Variants in CTRC observed in about 807,000 individuals in gnomAD.
CTRC encodes chymotrypsin C.
A neutral mutation model predicts 35.7 loss-of-function variants in CTRC; 32 were observed. The observed-to-expected ratio is 0.90, with a 90% CI of 0.68 to 1.20. CTRC has a LOEUF of 1.20. CTRC is among the 50% of genes most tolerant of loss of function. The pLI, the probability that CTRC is intolerant of heterozygous loss-of-function variation, is 0.00. For missense variants in CTRC, 324 were observed against 361.5 expected (o/e 0.90, Z 0.84); for synonymous variants, 119 against 149.5 (o/e 0.80, Z 1.49).
intron 4 of CTRC, among the ~76,000 whole-genome samples, chr1:15,443,184 C>T (rs1708161812): frequency 6.6e-6 from 1 of 152,224 alleles, no homozygotes; most frequent in Non-Finnish European, 1.5e-5. Flanking sequence ...TAACCCTTTC[C>T]CGAGGTGATG....
At chr1:15,439,717 C>A (rs1708095891) in intron 1 of CTRC, among the ~76,000 whole-genome samples, 1 of 152,184 alleles carries the variant, frequency 6.6e-6, no homozygotes, top group Non-Finnish European at 1.5e-5. Context: ...CGGGCACTCG[C>A]ACACATGCCA....
chr1:15,446,704 C>A lies in CTRC; in HGVS notation c.*115C>A, dbSNP rs1200025610. 8.1e-7 allele frequency: 1 copy of A among 1,229,116 alleles called. No individual in the cohort carries two copies. The highest frequency in any genetic ancestry group is 1.2e-6 in the Non-Finnish European group (1 of 832,848). The allele number at this position is 1,229,116 out of a possible 1,614,324, so 76.1% of individuals were successfully genotyped here. Reference sequence around the variant, plus strand: ...TCTGTTGCTTCCCTCCTCTCTGGTGCTGCCCCTTTCCACACTATGGAGCCA... The same window carrying A: ...TCTGTTGCTTCCCTCCTCTCTGGTGATGCCCCTTTCCACACTATGGAGCCA... On this transcript the variant is annotated 3_prime_UTR_variant, in exon 8 of 8. Transcript: ENST00000375949.
chr1:15,447,150 C>A lies in CTRC; in HGVS notation c.*561C>A. 4.5e-6 allele frequency: 1 copy of A among 221,396 alleles called. No homozygotes were observed. The allele number at this position is 221,396 out of a possible 1,614,324, so 13.7% of individuals were successfully genotyped here. A position where few individuals can be genotyped will look rare whatever the true frequency, so the allele number is the denominator to read the frequency against. On this transcript the variant is annotated 3_prime_UTR_variant, in exon 8 of 8. Transcript: ENST00000375949. Reference sequence around the variant, plus strand: ...GGAAGGGGCTCCCTAGCAGGGACCCCCCACCCCCACCCCGCAGCACAGACC... The same window carrying A: ...GGAAGGGGCTCCCTAGCAGGGACCCACCACCCCCACCCCGCAGCACAGACC...
intron 1 of CTRC, 74 bp from the exon 2 acceptor site, chr1:15,440,226 G>GGGCC: frequency 1.9e-6 from 1 of 523,580 alleles, no homozygotes; most frequent in Non-Finnish European, 3.7e-6. Context: ...TCTTCCACCT[G>GGGCC]CCCACCCTCC....
At chr1:15,438,709 G>A (rs907710946) in intron 1 of CTRC, among the ~76,000 whole-genome samples, 1 of 152,180 alleles carries the variant, frequency 6.6e-6, no homozygotes, top group Admixed American at 6.5e-5. Context: ...GCAAAACAGG[G>A]AAGATGATCT....
intron 3 of CTRC, among the ~76,000 whole-genome samples, chr1:15,441,334 C>T (rs1281511833): frequency 6.6e-6 from 1 of 151,912 alleles, no homozygotes; most frequent in African/African-American, 2.4e-5. Context: ...TGGGCAAAGG[C>T]CTGAAGGAAG....
intron 1 of CTRC, 70 bp from the exon 2 acceptor site, chr1:15,440,230 A>G: frequency 3.5e-6 from 1 of 282,776 alleles, no homozygotes; most frequent in Non-Finnish European, 7.4e-6. Context: ...CCACCTGCCC[A>G]CCCTCCCACC....
intron 6 of CTRC, among the ~76,000 whole-genome samples, chr1:15,445,146 G>A (rs1570786122): frequency 6.6e-6 from 1 of 152,138 alleles, no homozygotes; most frequent in Non-Finnish European, 1.5e-5. Context: ...CACCAGTCCA[G>A]GGAGACCAGA....
intron 3 of CTRC, among the ~76,000 whole-genome samples, chr1:15,440,923 T>C (rs1396144424): frequency 6.6e-6 from 1 of 152,218 alleles, no homozygotes; most frequent in African/African-American, 2.4e-5. Context: ...CTCACGCCTG[T>C]AATCATAGCA....
intron 6 of CTRC, 134 bp downstream of exon 6, chr1:15,444,885 G>A: frequency 1.8e-6 from 2 of 1,127,536 alleles, no homozygotes; most frequent in Non-Finnish European, 2.6e-6. Flanking sequence ...GCAGGCTCAG[G>A]GTAAGCCCAT....
rs748299851 is a variant in CTRC, at chr1:15,443,470, C to T, written c.408C>T (p.Thr136=). The part of the protein sequence containing the change: ...KLAEHVELSD[T]IQVACLPEKD... ...CAGAGCATGTGGAGCTGAGTGACAC[C>T]ATCCAGGTGGCCTGCCTGCCAGAGA... The change falls in exon 5 of 8, where the codon ACC becomes ACT. Residue 136 remains threonine (T), a synonymous_variant. Coordinates refer to ENST00000375949, the MANE Select transcript of CTRC (RefSeq NM_007272.3). 6.2e-7 allele frequency: 1 copy of T among 1,614,226 alleles called. No individual in the cohort carries two copies. The highest frequency in any genetic ancestry group is 1.7e-5 in the Admixed American group (1 of 60,034).
rs1413424234 is a variant in CTRC at position 15,447,693 on chromosome 1, C to G, written c.*1104C>G. ...GGGTGCCCCCAGCCCAGCCTCTGGACCCCTCGCTGGAGAGCCCTCGGCTGC... is the reference window on the plus strand; with the variant it reads ...GGGTGCCCCCAGCCCAGCCTCTGGAGCCCTCGCTGGAGAGCCCTCGGCTGC... On this transcript the variant is annotated 3_prime_UTR_variant, in exon 8 of 8. Transcript: ENST00000375949. The G allele has an allele frequency of 1.3e-5, 2 of 152,748 alleles. No individual in the cohort carries two copies. The highest frequency in any genetic ancestry group is 4.8e-5 in the African/African-American group (2 of 41,450). 9.5% of individuals were successfully genotyped at this position (152,748 alleles called of 1,614,324 possible).
rs1303051099 is a variant in CTRC at position 15,445,645 on chromosome 1, G to A, written c.688G>A (p.Glu230Lys). The change falls in exon 7 of 8, where the codon GAG becomes AAG. Residue 230 changes from glutamate to lysine, a missense_variant. Physicochemically the swap from Glu to Lys is moderately conservative, Grantham distance 56. Coordinates refer to ENST00000375949, the MANE Select transcript of CTRC (RefSeq NM_007272.3). ...LNCQLENGSW[E>K]VFGIVSFGSR... ...CTGCCAGTTGGAGAACGGTTCCTGG[G>A]AGGTGTTTGGCATCGTCAGCTTTGG... The A allele has an allele frequency of 1.2e-6, 2 of 1,614,086 alleles. No individual in the cohort carries two copies. The highest frequency in any genetic ancestry group is 1.3e-5 in the African/African-American group (1 of 74,926).
chr1:15,439,156 T>G (rs1320004019), intron 1 of CTRC, among the ~76,000 whole-genome samples: 1 of 152,138 alleles, frequency 6.6e-6, no homozygotes, highest in African/African-American at 2.4e-5. Flanking sequence ...CCAGGCATGG[T>G]GGCTCACGCC....
rs1179856513 is a variant in CTRC at position 15,449,139 on chromosome 1, G to C, written c.*2550G>C. 2.6e-5 allele frequency: 4 copies of C among 152,130 alleles called. No homozygotes were observed. Among genetic ancestry groups the C allele is most frequent in the Non-Finnish European group, 5.9e-5 (4 of 68,044 alleles). The allele number at this position is 152,130 out of a possible 1,614,324, so 9.4% of individuals were successfully genotyped here. A position where few individuals can be genotyped will look rare whatever the true frequency, so the allele number is the denominator to read the frequency against. ...TAGTGGAGCCGGAATCCAGACTTTAGTGATCTGACTCCAGGGCCTGTGCTC... is the reference window on the plus strand; with the variant it reads ...TAGTGGAGCCGGAATCCAGACTTTACTGATCTGACTCCAGGGCCTGTGCTC... On this transcript the variant is annotated 3_prime_UTR_variant, in exon 8 of 8. Transcript: ENST00000375949.
rs764896878 is a variant in CTRC at position 15,442,610 on chromosome 1, C to T, written c.356+38C>T. 1.9e-6 allele frequency: 3 copies of T among 1,612,680 alleles called. No individual in the cohort carries two copies. The Admixed American group carries it at 5.0e-5, about 27-fold the overall frequency. Reference sequence around the variant, plus strand: ...CTGCCCATCCCACAGCCACTGGGGGCAGTGTGGAAGGAGGGGTCCCCAAGA... The same window carrying T: ...CTGCCCATCCCACAGCCACTGGGGGTAGTGTGGAAGGAGGGGTCCCCAAGA... On this transcript the variant is annotated intron_variant, in intron 4 of 7. Transcript: ENST00000375949.
At chr1:15,441,995 G>C (rs1262280288) in intron 3 of CTRC, among the ~76,000 whole-genome samples, 1 of 152,118 alleles carries the variant, frequency 6.6e-6, no homozygotes, top group Non-Finnish European at 1.5e-5. Flanking sequence ...CCCCGTCTCG[G>C]CTTCCCAACG....
rs146235499 is a variant in CTRC at position 15,444,710 on chromosome 1, A to G, written c.598A>G (p.Met200Val). 13 of 1,614,012 alleles carry G rather than the reference A, an allele frequency of 8.1e-6. No individual in the cohort carries two copies. Among genetic ancestry groups the G allele is most frequent in the African/African-American group, 5.3e-5 (4 of 74,904 alleles). Residue 200 changes from methionine to valine, a missense_variant, in exon 6 of 8, where the codon ATG becomes GTG. Physicochemically the swap from Met to Val is conservative, Grantham distance 21. Coordinates refer to ENST00000375949, the MANE Select transcript of CTRC (RefSeq NM_007272.3). ...GTGGGGCTTCAGGGTGAAGAAAACCATGGTGTGCGCTGGGGGCGATGGCGT... is the reference window on the plus strand; with the variant it reads ...GTGGGGCTTCAGGGTGAAGAAAACCGTGGTGTGCGCTGGGGGCGATGGCGT... ...DWWGFRVKKTMVCAGGDGVIS... is the reference protein window; with the variant it reads ...DWWGFRVKKTVVCAGGDGVIS...
chr1:15,444,005 C>T (rs1708176814), intron 5 of CTRC, among the ~76,000 whole-genome samples: 1 of 151,982 alleles, frequency 6.6e-6, no homozygotes, highest in Non-Finnish European at 1.5e-5. Flanking sequence ...GTAATCCCGA[C>T]ATTTTAGGAA....
Sources: gnomAD v4.1 joint callset for allele counts (sites outside exome capture counted in the v4.1 genomes callset) on GRCh38, gnomAD v4.1.1 for gene constraint, MANE v1.5 for transcripts, NCBI Gene and HGNC (gene_info 2026-07-23, HGNC 2026-07-21) for gene names.